The following DRD2 variants were observed in gnomAD, a reference collection of about 807,000 sequenced individuals.
The protein encoded by DRD2 is dopamine receptor D2.
Under a neutral mutation model 38.0 loss-of-function variants are expected in DRD2, and 8 were observed. The ratio of observed to expected loss-of-function variants is 0.21; its 90% CI spans 0.12 to 0.38. DRD2 has a LOEUF of 0.38. Among genes scored for constraint, DRD2 ranks in the 10% least tolerant of loss-of-function variants. The probability of loss-of-function intolerance (pLI) is 1.00; values close to 1 mark genes in which losing one functional copy is unlikely to be tolerated. For synonymous variants in DRD2, 230 were observed against 238.6 expected, an observed-to-expected ratio of 0.96 and a Z score of 0.33; for missense variants, 403 against 607.7, an observed-to-expected ratio of 0.66 and a Z score of 3.54.
intron 1 of DRD2, among the ~76,000 whole-genome samples, chr11:113,444,425 T>C (rs780941220): frequency 2.6e-5 from 4 of 152,248 alleles, no homozygotes; most frequent in Non-Finnish European, 4.4e-5. Context: ...AATGAAATGA[T>C]TGGAGTATCA....
chr11:113,434,909 C>T (rs1482395000), intron 1 of DRD2, among the ~76,000 whole-genome samples: 2 of 152,114 alleles, frequency 1.3e-5, no homozygotes, highest in Non-Finnish European at 2.9e-5. Flanking sequence ...GGAGCACGCA[C>T]AGTTCCTTGC....
At chr11:113,428,951 T>C (rs1046186387) in intron 1 of DRD2, among the ~76,000 whole-genome samples, 2 of 152,108 alleles carry the variant, frequency 1.3e-5, no homozygotes, top group African/African-American at 2.4e-5. Context: ...AGATGGCAAA[T>C]GTGAGCACTG....
At chr11:113,426,264 G>A (rs373117595) in intron 1 of DRD2, among the ~76,000 whole-genome samples, 1 of 152,028 alleles carries the variant, frequency 6.6e-6, no homozygotes, top group Non-Finnish European at 1.5e-5. Context: ...GCTCTGGGAG[G>A]CTGGTGTCGC....
At chr11:113,443,412 G>A (rs538883803) in intron 1 of DRD2, among the ~76,000 whole-genome samples, 115 of 152,276 alleles carry the variant, frequency 7.6e-4, no homozygotes, top group African/African-American at 2.8e-3. Context: ...GGTATCCAGC[G>A]CATTTTAGCA....
In DRD2 at chr11:113,423,111, G is replaced by A. The variant is rs1055123092; in HGVS notation, c.285+1256C>T. Among the ~76,000 whole-genome samples the A allele has an allele frequency of 3.9e-5, 6 of 152,090 alleles. No individual in the cohort carries two copies. In the East Asian group the frequency reaches 5.8e-4, roughly 15 times the overall value. On this transcript the variant is annotated intron_variant, in intron 2 of 7. Coordinates refer to ENST00000362072, the MANE Select transcript of DRD2 (RefSeq NM_000795.4). The stretch of plus-strand genomic sequence containing the variant: ...GGGCAGGATCCAGCTTGTGCCCACC[G>A]ATGATCCCTAAATGCTCCCACATCT...
intron 1 of DRD2, among the ~76,000 whole-genome samples, chr11:113,437,628 G>A (rs150835117): frequency 2.6e-5 from 4 of 152,190 alleles, no homozygotes; most frequent in Non-Finnish European, 4.4e-5. Context: ...AGGGAGCTCC[G>A]AGGAGCACAG....
At chr11:113,424,253 CTGGGGA>C in intron 2 of DRD2, 108 bp downstream of exon 2, 1 of 1,224,648 alleles carries the variant, frequency 8.2e-7, no homozygotes, top group South Asian at 1.3e-5. Context: ...GAAAAACCAC[CTGGGGA>C]AGCACCAGGA....
intron 1 of DRD2, among the ~76,000 whole-genome samples, chr11:113,435,642 C>T (rs1360218587): frequency 6.8e-6 from 1 of 147,926 alleles, no homozygotes; most frequent in Non-Finnish European, 1.5e-5. Context: ...CCCGCCCCCC[C>T]ACTTTCCCTT....
At chr11:113,469,645 G>A (rs1951402894) in intron 1 of DRD2, among the ~76,000 whole-genome samples, 3 of 152,196 alleles carry the variant, frequency 2.0e-5, no homozygotes, top group South Asian at 2.1e-4. Flanking sequence ...AGACCAGACT[G>A]GACAACAAAG....
At chr11:113,466,545 T>A (rs10891553) in intron 1 of DRD2, among the ~76,000 whole-genome samples, 119,890 of 152,180 alleles carry the variant, frequency 0.79, 49,805 homozygotes, top group Middle Eastern at 0.94. Context: ...CTATAATGTC[T>A]TCATGGCTGA....
chr11:113,441,816 C>G (rs1275144668), intron 1 of DRD2, among the ~76,000 whole-genome samples: 1 of 152,076 alleles, frequency 6.6e-6, no homozygotes. Flanking sequence ...AACCCCATCT[C>G]TACTAAAAAT....
At chr11:113,415,188 G>A (rs1950813492) in intron 5 of DRD2, 3 of 433,730 alleles carry the variant, frequency 6.9e-6, no homozygotes, top group Admixed American at 7.9e-5. Context: ...TCCAAGCAAA[G>A]ACTTCCCCTT....
At position 113,468,906 on chromosome 11, in the gene DRD2, C is replaced by A. The variant is rs553279892; in HGVS notation, c.-32+6170G>T. Among the ~76,000 whole-genome samples the A allele has an allele frequency of 1.4e-4, 21 of 152,282 alleles. No homozygotes were observed. In the East Asian group the frequency reaches 3.7e-3, roughly 27 times the overall value. Reference sequence around the variant, plus strand: ...GTCACTCCTGTGTCTGTCCAGGATCCCAGGCCATCCCGCCCTCACATTTCT... The same window carrying A: ...GTCACTCCTGTGTCTGTCCAGGATCACAGGCCATCCCGCCCTCACATTTCT... On this transcript the variant is annotated intron_variant, in intron 1 of 7. Transcript: ENST00000362072.
chr11:113,463,025 C>T (rs1337021931), intron 1 of DRD2, among the ~76,000 whole-genome samples: 4 of 152,206 alleles, frequency 2.6e-5, no homozygotes, highest in East Asian at 1.9e-4. Context: ...AGCATATGCA[C>T]GTCACGTGAT....
chr11:113,441,322 C>T (rs1456721010), intron 1 of DRD2, among the ~76,000 whole-genome samples: 1 of 152,196 alleles, frequency 6.6e-6, no homozygotes, highest in Non-Finnish European at 1.5e-5. Flanking sequence ...CACAGCTAGT[C>T]TCCAACAGCC....
At chr11:113,469,983 C>T (rs1222003408) in intron 1 of DRD2, among the ~76,000 whole-genome samples, 2 of 152,156 alleles carry the variant, frequency 1.3e-5, no homozygotes, top group Non-Finnish European at 2.9e-5. Context: ...GCCCTGCACA[C>T]AGTAAGTGCA....
chr11:113,457,009 G>A (rs1951274071), intron 1 of DRD2, among the ~76,000 whole-genome samples: 1 of 151,988 alleles, frequency 6.6e-6, no homozygotes, highest in African/African-American at 2.4e-5. Flanking sequence ...GCTCACCGTG[G>A]GCCTCCATGT....
intron 1 of DRD2, among the ~76,000 whole-genome samples, chr11:113,443,925 C>T (rs912288227): frequency 3.3e-5 from 5 of 151,882 alleles, no homozygotes; most frequent in East Asian, 1.9e-4. Flanking sequence ...CTTTGCTGTG[C>T]TTTAAAAAAT....
chr11:113,440,375 T>C lies in DRD2; in HGVS notation c.-31-15693A>G, dbSNP rs1307142467. ...CTTACAGGAATGTGCTCAAAGATGATTCCCCCCAGACTTTCAGGGAGAAGC... is the reference window on the plus strand; with the variant it reads ...CTTACAGGAATGTGCTCAAAGATGACTCCCCCCAGACTTTCAGGGAGAAGC... On this transcript the variant is annotated intron_variant, in intron 1 of 7. Coordinates refer to ENST00000362072, the MANE Select transcript of DRD2 (RefSeq NM_000795.4). 3.3e-5 allele frequency among the ~76,000 whole-genome samples: 5 copies of C among 152,216 alleles called. 1 individual carries two copies. The highest frequency in any genetic ancestry group is 3.3e-4 in the Admixed American group (5 of 15,286).
Sources: allele counts gnomAD v4.1 joint callset (sites outside exome capture counted in the v4.1 genomes callset), GRCh38; gene constraint gnomAD v4.1.1; transcripts MANE v1.5; gene names NCBI Gene and HGNC (gene_info 2026-07-23, HGNC 2026-07-21).